Variants in DSCAM observed in about 807,000 individuals in gnomAD.
DSCAM encodes the protein DS cell adhesion molecule.
Under a neutral mutation model 217.7 loss-of-function variants are expected in DSCAM, and 47 were observed. The observed-to-expected ratio is 0.22, with a 90% CI of 0.17 to 0.28. DSCAM has a LOEUF of 0.28. Among genes scored for constraint, DSCAM ranks in the 10% least tolerant of loss-of-function variants. The probability of loss-of-function intolerance (pLI) is 1.00; values close to 1 mark genes in which losing one functional copy is unlikely to be tolerated. For missense variants in DSCAM, 2,080 were observed against 2,618.3 expected (o/e 0.79, Z 4.49); for synonymous variants, 1,056 against 1,015.3 (o/e 1.04, Z -0.76).
intron 1 of DSCAM, among the ~76,000 whole-genome samples, chr21:40,795,863 G>C (rs558628953): frequency 1.8e-4 from 28 of 152,292 alleles, no homozygotes; most frequent in Non-Finnish European, 3.7e-4. Flanking sequence ...GTGGGCCTCA[G>C]TATGTTTCAT....
chr21:40,471,525 A>T (rs2075888333), intron 3 of DSCAM, among the ~76,000 whole-genome samples: 1 of 152,194 alleles, frequency 6.6e-6, no homozygotes, highest in Non-Finnish European at 1.5e-5. Context: ...CCAAGATTTA[A>T]TAATGTAATC....
In DSCAM at chr21:40,389,706, C is replaced by T. The variant is rs186433805; in HGVS notation, c.509-20461G>A. 8.1e-4 allele frequency among the ~76,000 whole-genome samples: 123 copies of T among 152,276 alleles called. 1 individual carries two copies. The East Asian group carries it at 0.016, about 19-fold the overall frequency. On this transcript the variant is annotated intron_variant, in intron 3 of 32. Coordinates refer to ENST00000400454, the MANE Select transcript of DSCAM (RefSeq NM_001389.5). The stretch of plus-strand genomic sequence containing the variant: ...CTTTGAAAGAAGATATAGCCTGTTA[C>T]CATCGCAGAATGGACAAGTACTCTC...
chr21:40,044,089 G>A lies in DSCAM; in HGVS notation c.5372C>T (p.Ser1791Leu), dbSNP rs984896977. The A allele has an allele frequency of 2.5e-6, 4 of 1,613,480 alleles. No individual in the cohort carries two copies. The highest frequency in any genetic ancestry group is 1.3e-5 in the African/African-American group (1 of 74,908). The change falls in exon 31 of 33, where the codon TCG (serine) becomes TTG (leucine). Residue 1791 changes from serine (S) to leucine (L), a missense_variant. Physicochemically the swap from Ser to Leu is moderately radical, Grantham distance 145. This residue lies in a region of DSCAM where 1,144 missense variants were observed against 1,421.1 expected (regional missense o/e 0.81). Transcript: ENST00000400454. ...KESDSYSVSP[S>L]QDTDRARSSM... is the part of the protein sequence containing the mutation. ...GCGTCAGGGCCTACCTGTGTCTTGC[G>A]AGGGGCTGACGCTGTAACTGTCGCT...
chr21:40,191,151 G>T (rs2090948872), intron 11 of DSCAM, among the ~76,000 whole-genome samples: 1 of 152,126 alleles, frequency 6.6e-6, no homozygotes, highest in African/African-American at 2.4e-5. Context: ...CACATACTGG[G>T]TCATGTCTTT....
chr21:40,413,205 CCA>C (rs2075339446), intron 3 of DSCAM, among the ~76,000 whole-genome samples: 1 of 152,184 alleles, frequency 6.6e-6, no homozygotes, highest in African/African-American at 2.4e-5. Flanking sequence ...GTCAGAGTCC[CCA>C]CACAGAGTAC....
chr21:40,296,985 C>A (rs1411587130), intron 9 of DSCAM, among the ~76,000 whole-genome samples: 1 of 152,042 alleles, frequency 6.6e-6, no homozygotes, highest in African/African-American at 2.4e-5. Flanking sequence ...AAATAACAGG[C>A]ACCTCGTAAA....
chr21:40,564,476 C>A (rs755237914), intron 3 of DSCAM, among the ~76,000 whole-genome samples: 13 of 152,174 alleles, frequency 8.5e-5, no homozygotes, highest in Non-Finnish European at 1.9e-4. Context: ...CCTCCCACCA[C>A]CCTCCTCCTT....
Position 40,446,514 on chromosome 21 carries a change from T to C in DSCAM, c.509-77269A>G, listed in dbSNP as rs2075675963. Among the ~76,000 whole-genome samples, 4 of 152,062 alleles carry C rather than the reference T, an allele frequency of 2.6e-5. No homozygotes were observed. In the South Asian group the frequency reaches 8.3e-4, roughly 31 times the overall value. ...CTTCCGTTAAGCACCCAGGGCCCCC[T>C]CTGCAAAAAAGTGAAGGATCAACTG... On this transcript the variant is annotated intron_variant, in intron 3 of 32. Coordinates refer to ENST00000400454, the MANE Select transcript of DSCAM (RefSeq NM_001389.5).
chr21:40,378,828 C>A (rs894984918), intron 3 of DSCAM, among the ~76,000 whole-genome samples: 1 of 151,662 alleles, frequency 6.6e-6, no homozygotes, highest in Non-Finnish European at 1.5e-5. Flanking sequence ...CTCCTGACCT[C>A]GTGATCCGCC....
intron 3 of DSCAM, among the ~76,000 whole-genome samples, chr21:40,628,106 T>C (rs1568947518): frequency 1.3e-5 from 2 of 152,234 alleles, no homozygotes; most frequent in Non-Finnish European, 2.9e-5. Context: ...TTTGTGTCTT[T>C]TGTCTTTGTA....
At chr21:40,721,111 C>T (rs888073364) in intron 1 of DSCAM, among the ~76,000 whole-genome samples, 1 of 152,176 alleles carries the variant, frequency 6.6e-6, no homozygotes, top group African/African-American at 2.4e-5. Context: ...ATGTATCACA[C>T]AGCTGCAGGG....
chr21:40,803,782 A>T (rs2091762802), intron 1 of DSCAM, among the ~76,000 whole-genome samples: 1 of 152,248 alleles, frequency 6.6e-6, no homozygotes, highest in South Asian at 2.1e-4. Context: ...TGGGGAAAAA[A>T]AAAACACCTT....
chr21:40,522,895 T>C (rs952958332), intron 3 of DSCAM, among the ~76,000 whole-genome samples: 8 of 152,090 alleles, frequency 5.3e-5, no homozygotes, highest in African/African-American at 1.9e-4. Context: ...TAGGAATCAA[T>C]AATCGACAAC....
intron 3 of DSCAM, among the ~76,000 whole-genome samples, chr21:40,409,823 A>G (rs2123792600): frequency 6.6e-6 from 1 of 152,342 alleles, no homozygotes; most frequent in Middle Eastern, 3.4e-3. Context: ...GCAAGGCTTG[A>G]TGGAATCATA....
chr21:40,647,830 T>C (rs1342371985), intron 3 of DSCAM, among the ~76,000 whole-genome samples: 2 of 152,184 alleles, frequency 1.3e-5, no homozygotes, highest in African/African-American at 2.4e-5. Context: ...CACATCTGCA[T>C]GAAAAATAAG....
intron 3 of DSCAM, among the ~76,000 whole-genome samples, chr21:40,500,040 A>T (rs1257443033): frequency 6.6e-6 from 1 of 152,076 alleles, no homozygotes; most frequent in African/African-American, 2.4e-5. Flanking sequence ...CGGTCTCCCA[A>T]AGTGCTGAGA....
intron 3 of DSCAM, among the ~76,000 whole-genome samples, chr21:40,621,619 A>G (rs2089518734): frequency 6.6e-6 from 1 of 151,816 alleles, no homozygotes; most frequent in African/African-American, 2.4e-5. Context: ...CTGTTTGCCA[A>G]AGTCATATAG....
At chr21:40,305,007 T>C (rs899391786) in intron 9 of DSCAM, among the ~76,000 whole-genome samples, 6 of 152,076 alleles carry the variant, frequency 3.9e-5, no homozygotes, top group African/African-American at 1.4e-4. Context: ...GCACACACTG[T>C]TGGAAAAAAT....
At chr21:40,143,514 G>C (rs905456069) in intron 17 of DSCAM, among the ~76,000 whole-genome samples, 2 of 152,202 alleles carry the variant, frequency 1.3e-5, no homozygotes, top group Non-Finnish European at 2.9e-5. Context: ...ATCAAGGGCC[G>C]GGCGCGGTGG....
Sources: allele counts gnomAD v4.1 joint callset (sites outside exome capture counted in the v4.1 genomes callset), GRCh38; gene constraint gnomAD v4.1.1; regional missense constraint gnomAD v4.1.1; transcripts MANE v1.5; gene names NCBI Gene and HGNC (gene_info 2026-07-23, HGNC 2026-07-21).